Variants in SUPT3H observed in about 807,000 individuals in gnomAD.
SUPT3H encodes the protein transcription initiation protein SPT3 homolog.
A neutral mutation model predicts 44.3 loss-of-function variants in SUPT3H; 44 were observed. The observed-to-expected ratio is 0.99, with a 90% confidence interval of 0.78 to 1.28. The LOEUF is 1.28. SUPT3H is among the 50% of genes most tolerant of loss of function. The probability of loss-of-function intolerance (pLI) is 0.00; values close to 1 mark genes in which losing one functional copy is unlikely to be tolerated. For missense variants in SUPT3H, 380 were observed against 387.1 expected (o/e 0.98, Z 0.15); for synonymous variants, 124 against 125.6 (o/e 0.99, Z 0.09).
At chr6:45,143,408 A>G (rs1277063074) in intron 2 of SUPT3H, among the ~76,000 whole-genome samples, 1 of 152,166 alleles carries the variant, frequency 6.6e-6, no homozygotes, top group Non-Finnish European at 1.5e-5. Flanking sequence ...GGAACCTTTG[A>G]AACAATACAA....
chr6:44,833,522 T>C (rs1769252562), intron 10 of SUPT3H, among the ~76,000 whole-genome samples: 1 of 152,084 alleles, frequency 6.6e-6, no homozygotes, highest in Non-Finnish European at 1.5e-5. Context: ...TTTTTTTGCT[T>C]CTAATCACAA....
At chr6:45,092,745 C>G (rs894735384) in intron 3 of SUPT3H, among the ~76,000 whole-genome samples, 16 of 54,528 alleles carry the variant, frequency 2.9e-4, no homozygotes, top group Admixed American at 2.8e-4. Context: ...GGTGAGACTT[C>G]GTCTCAAAAA....
chr6:45,304,536 C>G (rs938212713), intron 2 of SUPT3H, among the ~76,000 whole-genome samples: 3 of 152,126 alleles, frequency 2.0e-5, no homozygotes, highest in Non-Finnish European at 4.4e-5. Flanking sequence ...ACTAAACAGA[C>G]TGTTAGCAGA....
intron 10 of SUPT3H, among the ~76,000 whole-genome samples, chr6:44,894,440 C>T (rs550764929): frequency 7.9e-5 from 12 of 152,130 alleles, no homozygotes; most frequent in South Asian, 6.2e-4. Context: ...TTTCTATATA[C>T]GGCTAGCCAG....
At chr6:44,861,596 A>G (rs757722710) in intron 10 of SUPT3H, among the ~76,000 whole-genome samples, 4 of 152,142 alleles carry the variant, frequency 2.6e-5, no homozygotes, top group African/African-American at 9.7e-5. Context: ...CATGTTGGTC[A>G]GGCTGGTCTT....
At chr6:44,876,475 G>T (rs887498106) in intron 10 of SUPT3H, among the ~76,000 whole-genome samples, 9 of 131,392 alleles carry the variant, frequency 6.8e-5, no homozygotes, top group Non-Finnish European at 1.1e-4. Flanking sequence ...GACACTGGAA[G>T]GGGAATATCA....
Position 44,883,826 on chromosome 6 carries a change from T to A in SUPT3H, c.912+48827A>T, listed in dbSNP as rs547509879. Among the ~76,000 whole-genome samples, 4 of 152,210 alleles carry A rather than the reference T, an allele frequency of 2.6e-5. No homozygotes were observed. The East Asian group carries it at 7.7e-4, about 29-fold the overall frequency. The stretch of plus-strand genomic sequence containing the variant: ...GAAAACTGGCTAGCCATATGCAGAA[T>A]AATGAAACTGGACCCCTTCCTTACA... On this transcript the variant is annotated intron_variant, in intron 10 of 10. Coordinates refer to ENST00000371459, the MANE Select transcript of SUPT3H (RefSeq NM_003599.4).
intron 3 of SUPT3H, among the ~76,000 whole-genome samples, chr6:45,021,275 T>C (rs1282690802): frequency 6.6e-6 from 1 of 151,944 alleles, no homozygotes; most frequent in Non-Finnish European, 1.5e-5. Context: ...AGATTCCCCC[T>C]GAAATGTTCA....
downstream of SUPT3H, among the ~76,000 whole-genome samples, chr6:44,823,724 G>A (rs1246796148): frequency 6.6e-6 from 1 of 152,316 alleles, no homozygotes; most frequent in East Asian, 1.9e-4. Flanking sequence ...CACTTTGGGA[G>A]GCTGAGGCGG....
At chr6:44,842,683 T>G (rs796961382) in intron 10 of SUPT3H, among the ~76,000 whole-genome samples, 3 of 152,170 alleles carry the variant, frequency 2.0e-5, no homozygotes, top group African/African-American at 7.2e-5. Flanking sequence ...ACCAGTGATA[T>G]AAGAGCAGTT....
In SUPT3H at chr6:44,820,239, C is replaced by G. The variant is rs79768527; in HGVS notation, c.*52+9525G>C. Among the ~76,000 whole-genome samples, 573 of 152,196 alleles carry G rather than the reference C, an allele frequency of 3.8e-3. 2 individuals carry two copies. The highest frequency in any genetic ancestry group is 5.8e-3 in the Non-Finnish European group (392 of 67,998). On this transcript the variant is annotated intron_variant and NMD_transcript_variant, in intron 11 of 11. Coordinates refer to the SUPT3H transcript ENST00000475057. ...ATCTCAAAAAGAAAAAAAGATACAT[C>G]AAATAAAATTTGACATAATATTACT... is the stretch of plus-strand genomic sequence containing the variant.
At chr6:44,927,231 A>T (rs1029154272) in intron 10 of SUPT3H, among the ~76,000 whole-genome samples, 5 of 152,082 alleles carry the variant, frequency 3.3e-5, no homozygotes, top group African/African-American at 1.2e-4. Context: ...AATAATCTCA[A>T]TTTTGCTAAA....
intron 10 of SUPT3H, among the ~76,000 whole-genome samples, chr6:44,879,663 C>G (rs1173453030): frequency 2.0e-5 from 3 of 150,890 alleles, no homozygotes; most frequent in African/African-American, 7.3e-5. Context: ...TGACAGACAC[C>G]TCATACAGGA....
intron 2 of SUPT3H, among the ~76,000 whole-genome samples, chr6:45,146,208 C>G (rs1317892141): frequency 1.3e-5 from 2 of 152,088 alleles, no homozygotes; most frequent in Admixed American, 6.6e-5. Context: ...GAAAAAGATG[C>G]TTGCACACGC....
At chr6:44,943,990 T>G (rs1489953297) in intron 9 of SUPT3H, among the ~76,000 whole-genome samples, 1 of 152,132 alleles carries the variant, frequency 6.6e-6, no homozygotes, top group African/African-American at 2.4e-5. Context: ...TTTTTTTTAG[T>G]TGCTTCTCAG....
At chr6:45,164,564 C>T (rs896019496) in intron 2 of SUPT3H, among the ~76,000 whole-genome samples, 11 of 152,084 alleles carry the variant, frequency 7.2e-5, no homozygotes, top group African/African-American at 2.7e-4. Flanking sequence ...TCACTGATGA[C>T]TCACCAGTGT....
At chr6:45,254,798 A>G (rs1773050001) in intron 2 of SUPT3H, among the ~76,000 whole-genome samples, 2 of 152,220 alleles carry the variant, frequency 1.3e-5, no homozygotes, top group Admixed American at 1.3e-4. Flanking sequence ...GTCTCAAAAC[A>G]TTAAACAGAA....
chr6:45,179,480 T>G (rs1005806663), intron 2 of SUPT3H, among the ~76,000 whole-genome samples: 1 of 152,150 alleles, frequency 6.6e-6, no homozygotes, highest in Non-Finnish European at 1.5e-5. Flanking sequence ...AAATCCTCAA[T>G]AAAATACTGG....
chr6:45,366,213 A>G (rs1342162313), intron 1 of SUPT3H, among the ~76,000 whole-genome samples: 1 of 152,238 alleles, frequency 6.6e-6, no homozygotes, highest in East Asian at 1.9e-4. Flanking sequence ...TAAGATATTT[A>G]GAACATATGA....
Sources: gnomAD v4.1 joint callset for allele counts (sites outside exome capture counted in the v4.1 genomes callset) on GRCh38, gnomAD v4.1.1 for gene constraint, MANE v1.5 for transcripts, NCBI Gene and HGNC (gene_info 2026-07-23, HGNC 2026-07-21) for gene names.